FBRSL1: variants seen among roughly 807,000 people sequenced by gnomAD.
FBRSL1 encodes fibrosin like 1, also known as fibrosin-1-like protein.
FBRSL1 carries 51 observed loss-of-function variants against 89.6 expected under a neutral mutation model. The observed-to-expected ratio is 0.57, with a 90% CI of 0.45 to 0.72. FBRSL1 has a LOEUF of 0.72. FBRSL1 is among the 30% of genes least tolerant of loss of function. FBRSL1 has a pLI of 0.00. For missense variants in FBRSL1, 1,618 were observed against 1,451.8 expected (o/e 1.11, Z -1.86); for synonymous variants, 779 against 681.1 (o/e 1.14, Z -2.24).
At chr12:132,502,800 C>T (rs959325008) in intron 1 of FBRSL1, among the ~76,000 whole-genome samples, 2 of 63,234 alleles carry the variant, frequency 3.2e-5, no homozygotes, top group Admixed American at 1.5e-4. Flanking sequence ...CTCCTGTCCC[C>T]GCCCCCTCCT....
At chr12:132,571,338 G>A (rs1461202829) in intron 9 of FBRSL1, 107 bp downstream of exon 9, 2 of 1,549,596 alleles carry the variant, frequency 1.3e-6, no homozygotes, top group African/African-American at 1.4e-5. Context: ...AGCTGAACAC[G>A]CGGTTTCTGG....
chr12:132,528,436 G>A (rs2035979881), intron 4 of FBRSL1, among the ~76,000 whole-genome samples: 1 of 152,182 alleles, frequency 6.6e-6, no homozygotes, highest in Non-Finnish European at 1.5e-5. Context: ...CCAATGCCCT[G>A]ACCGGCACCT....
intron 2 of FBRSL1, chr12:132,509,712 C>T (rs1482243887): frequency 5.1e-5 from 63 of 1,231,274 alleles, no homozygotes; most frequent in South Asian, 1.2e-4. Flanking sequence ...CCTGTGGCAC[C>T]GCTGCCGACC....
rs774143014 is a variant in FBRSL1, at chr12:132,582,098, C to T, written c.2033C>T (p.Ser678Phe). Residue 678 changes from serine (S) to phenylalanine (F), a missense_variant, in exon 18 of 19, where the codon TCC becomes TTC. Transcript: ENST00000680143. ...AGCATCTTTGCCCCCAAGGAGGGCT[C>T]CTCCGTGCACGGCCTGCCCAGCCCC... ...GGSIFAPKEG[S>F]SVHGLPSPHE... The T allele has an allele frequency of 2.4e-4, 376 of 1,549,194 alleles. No individual in the cohort carries two copies. The highest frequency in any genetic ancestry group is 3.2e-4 in the Non-Finnish European group (366 of 1,146,418).
chr12:132,567,491 G>T lies in FBRSL1; in HGVS notation c.656G>T (p.Gly219Val), dbSNP rs527823557. ...ESGPDDKASV[G>V]SEKLFAPGTD... ...CTTCTCTCTCTCCAGGCATCCGTGG[G>T]CTCTGAGAAGCTCTTTGCGCCGGGA... The change falls in exon 6 of 19, where the codon GGC (glycine) becomes GTC (valine). Residue 219 changes from glycine (G) to valine (V), a missense_variant. Coordinates refer to ENST00000680143, the MANE Select transcript of FBRSL1 (RefSeq NM_001367871.1). 47 of 1,551,160 alleles carry T rather than the reference G, an allele frequency of 3.0e-5. 1 individual carries two copies. In the East Asian group the frequency reaches 1.1e-3, roughly 35 times the overall value.
At position 132,510,342 on chromosome 12, in the gene FBRSL1, C is replaced by T. The variant is rs968857282; in HGVS notation, c.489+1992C>T. On this transcript the variant is annotated intron_variant, in intron 2 of 18. Transcript: ENST00000680143. ...GCCGGCCCGTCAGCCCCGGCTCTCG[C>T]TCCTGGCCCTGGGCCATCCCTGCCG... The T allele has an allele frequency of 1.2e-5, 15 of 1,231,546 alleles. No individual in the cohort carries two copies. The African/African-American group carries it at 1.7e-4, about 14-fold the overall frequency. 76.3% of individuals were successfully genotyped at this position (1,231,546 alleles called of 1,614,324 possible).
At chr12:132,551,634 G>A (rs1302405134) in intron 5 of FBRSL1, 2 of 454,396 alleles carry the variant, frequency 4.4e-6, no homozygotes, top group Admixed American at 2.4e-5. Context: ...GCCAATCAAG[G>A]TGGAGACTTT....
At chr12:132,539,178 G>T (rs1011006478) in intron 4 of FBRSL1, among the ~76,000 whole-genome samples, 3 of 152,050 alleles carry the variant, frequency 2.0e-5, no homozygotes, top group East Asian at 1.9e-4. Flanking sequence ...CTTTCCAGGC[G>T]CCTGCTCTTC....
chr12:132,580,616 T>G (rs2040680109), intron 15 of FBRSL1, among the ~76,000 whole-genome samples: 1 of 152,178 alleles, frequency 6.6e-6, no homozygotes, highest in South Asian at 2.1e-4. Flanking sequence ...TGTCTTCCTC[T>G]CTAGTTTAGA....
Position 132,567,469 on chromosome 12 carries a change from C to T in FBRSL1, c.646-12C>T. On this transcript the variant is annotated splice_polypyrimidine_tract_variant and intron_variant, in intron 5 of 18. Transcript: ENST00000680143. Reference sequence around the variant, plus strand: ...ACCCTGACTGCCCCTGACCCCCCTTCTCTCTCTCCAGGCATCCGTGGGCTC... The same window carrying T: ...ACCCTGACTGCCCCTGACCCCCCTTTTCTCTCTCCAGGCATCCGTGGGCTC... The T allele has an allele frequency of 1.3e-6, 2 of 1,550,880 alleles. No individual in the cohort carries two copies. Among genetic ancestry groups the T allele is most frequent in the Non-Finnish European group, 1.7e-6 (2 of 1,146,676 alleles).
chr12:132,549,522 C>G (rs773731769), intron 5 of FBRSL1, among the ~76,000 whole-genome samples: 1 of 152,350 alleles, frequency 6.6e-6, no homozygotes, highest in Non-Finnish European at 1.5e-5. Flanking sequence ...TCCCCACCTC[C>G]TTTCATTTAA....
At chr12:132,553,168 C>A (rs574735695) in intron 5 of FBRSL1, 3 of 152,526 alleles carry the variant, frequency 2.0e-5, no homozygotes, top group African/African-American at 7.2e-5. Flanking sequence ...GACAAAAGTG[C>A]AGGGAGCGGC....
intron 4 of FBRSL1, 112 bp downstream of exon 4, chr12:132,528,100 G>T: frequency 1.0e-6 from 1 of 962,036 alleles, no homozygotes; most frequent in South Asian, 1.4e-5. Context: ...TCCCGTGCCC[G>T]CTTTCCCTCT....
At position 132,525,886 on chromosome 12, in the gene FBRSL1, G is replaced by A. The variant is rs116725471; in HGVS notation, c.579+63G>A. On this transcript the variant is annotated intron_variant, in intron 3 of 18. Transcript: ENST00000680143. Reference sequence around the variant, plus strand: ...CTGGGCCGCCTGCCCGCTGCGCCCCGCACAAGGGCGTCCAGTCCGAGTCTG... The same window carrying A: ...CTGGGCCGCCTGCCCGCTGCGCCCCACACAAGGGCGTCCAGTCCGAGTCTG... 1.1e-3 allele frequency: 1,418 copies of A among 1,343,900 alleles called. 11 individuals carry two copies. The African/African-American group carries it at 0.018, about 17-fold the overall frequency. 83.2% of individuals were successfully genotyped at this position (1,343,900 alleles called of 1,614,324 possible).
At chr12:132,559,233 G>A (rs539907497) in intron 5 of FBRSL1, among the ~76,000 whole-genome samples, 2 of 152,324 alleles carry the variant, frequency 1.3e-5, no homozygotes, top group South Asian at 4.1e-4. Context: ...CTGCACAGCC[G>A]TTTGCAGCTA....
At chr12:132,558,128 G>A (rs993501261) in intron 5 of FBRSL1, among the ~76,000 whole-genome samples, 25 of 149,930 alleles carry the variant, frequency 1.7e-4, no homozygotes, top group Non-Finnish European at 3.0e-4. Context: ...TTGTCCTCAC[G>A]GCCCCTCCTG....
At chr12:132,525,583 C>A in intron 2 of FBRSL1, 151 bp from the exon 3 acceptor site, 2 of 639,982 alleles carry the variant, frequency 3.1e-6, no homozygotes, top group Non-Finnish European at 5.7e-6. Flanking sequence ...CACCACAGCT[C>A]GTCACATCCC....
chr12:132,570,490 C>G lies in FBRSL1; in HGVS notation c.1163C>G (p.Pro388Arg), dbSNP rs1005479846. The change falls in exon 8 of 19, where the codon CCG becomes CGG. Residue 388 changes from proline to arginine, a missense_variant. By Grantham distance (103) the Pro-to-Arg change is moderately radical. Transcript: ENST00000680143. The part of the protein sequence containing the change: ...AMFAAPPTLP[P>R]PPALPASSLV... ...TTTGCCGCACCCCCGACACTGCCCCCGCCCCCGGCGCTGCCGGCCAGCAGC... is the reference window on the plus strand; with the variant it reads ...TTTGCCGCACCCCCGACACTGCCCCGGCCCCCGGCGCTGCCGGCCAGCAGC... 2.0e-6 allele frequency: 3 copies of G among 1,528,584 alleles called. No individual in the cohort carries two copies. Among genetic ancestry groups the G allele is most frequent in the Non-Finnish European group, 2.6e-6 (3 of 1,143,218 alleles). The allele number at this position is 1,528,584 out of a possible 1,614,324, so 94.7% of individuals were successfully genotyped here. A position where few individuals can be genotyped will look rare whatever the true frequency, so the allele number is the denominator to read the frequency against.
intron 5 of FBRSL1, chr12:132,552,662 C>T (rs1312419935): frequency 1.2e-5 from 2 of 163,148 alleles, no homozygotes; most frequent in African/African-American, 4.8e-5. Context: ...GCTGGAGGCC[C>T]CTTCCATGGG....
Sources: gnomAD v4.1 joint callset for allele counts (sites outside exome capture counted in the v4.1 genomes callset) on GRCh38, gnomAD v4.1.1 for gene constraint, MANE v1.5 for transcripts, NCBI Gene and HGNC (gene_info 2026-07-23, HGNC 2026-07-21) for gene names.